MYO16: variants seen among roughly 807,000 people sequenced by gnomAD.
The protein encoded by MYO16 is unconventional myosin-XVI.
A neutral mutation model predicts 205.3 loss-of-function variants in MYO16; 94 were observed. That is an observed-to-expected ratio of 0.46 (90% CI 0.39 to 0.54). The LOEUF is 0.54. Among genes scored for constraint, MYO16 ranks in the 20% least tolerant of loss-of-function variants. The probability of loss-of-function intolerance (pLI) is 0.00; values close to 1 mark genes in which losing one functional copy is unlikely to be tolerated. For missense variants in MYO16, 2,315 were observed against 2,387.5 expected (o/e 0.97, Z 0.63); for synonymous variants, 988 against 954.0 (o/e 1.04, Z -0.66).
intron 24 of MYO16, among the ~76,000 whole-genome samples, chr13:109,049,634 A>G (rs1257617503): frequency 6.6e-6 from 1 of 151,880 alleles, no homozygotes; most frequent in African/African-American, 2.4e-5. Flanking sequence ...GTTTTATTAG[A>G]GGCATTTTCT....
At chr13:109,198,926 C>T (rs1880275019) in intron 34 of MYO16, among the ~76,000 whole-genome samples, 1 of 152,046 alleles carries the variant, frequency 6.6e-6, no homozygotes, top group African/African-American at 2.4e-5. Flanking sequence ...TTTTCAGCCA[C>T]ACTGACTGTG....
At chr13:109,083,834 C>T (rs1223219997) in intron 27 of MYO16, among the ~76,000 whole-genome samples, 1 of 152,140 alleles carries the variant, frequency 6.6e-6, no homozygotes, top group Non-Finnish European at 1.5e-5. Context: ...CAAATATTTG[C>T]AACAGTCTGT....
chr13:108,977,717 CT>C (rs1217851258), intron 20 of MYO16, among the ~76,000 whole-genome samples: 4 of 152,102 alleles, frequency 2.6e-5, no homozygotes, highest in South Asian at 2.1e-4. Context: ...TTCTTTACCC[CT>C]CTCTAGATTT....
chr13:109,086,362 C>T (rs1396436394), intron 27 of MYO16, among the ~76,000 whole-genome samples: 3 of 152,130 alleles, frequency 2.0e-5, no homozygotes, highest in African/African-American at 7.2e-5. Context: ...GGGTAGTTAT[C>T]AAAAGAGGTA....
chr13:108,948,960 G>A (rs575388079), intron 16 of MYO16, among the ~76,000 whole-genome samples: 12 of 152,194 alleles, frequency 7.9e-5, no homozygotes, highest in South Asian at 2.1e-4. Flanking sequence ...CATAGCATCA[G>A]CCTGCTCTTT....
At chr13:109,072,298 A>G (rs956402825) in intron 27 of MYO16, among the ~76,000 whole-genome samples, 37 of 152,270 alleles carry the variant, frequency 2.4e-4, no homozygotes, top group African/African-American at 8.9e-4. Context: ...TTGTCATTGG[A>G]ATAGAAAATA....
intron 15 of MYO16, among the ~76,000 whole-genome samples, chr13:108,900,152 T>C (rs150017035): frequency 1.3e-5 from 2 of 152,314 alleles, no homozygotes; most frequent in African/African-American, 4.8e-5. Context: ...TTTTTATTTT[T>C]CTGGATAGAG....
At chr13:109,113,907 C>T (rs1314529612) in intron 28 of MYO16, among the ~76,000 whole-genome samples, 9 of 152,080 alleles carry the variant, frequency 5.9e-5, no homozygotes, top group East Asian at 3.9e-4. Context: ...TATGAAACAT[C>T]GACATAAATG....
At chr13:108,740,756 G>A (rs1181692593) in intron 4 of MYO16, among the ~76,000 whole-genome samples, 4 of 152,154 alleles carry the variant, frequency 2.6e-5, no homozygotes, top group Non-Finnish European at 4.4e-5. Context: ...AGGCAGGCAG[G>A]CCTCCTTGAG....
chr13:108,894,782 A>C (rs1050869835), intron 14 of MYO16, among the ~76,000 whole-genome samples: 1 of 152,158 alleles, frequency 6.6e-6, no homozygotes, highest in Non-Finnish European at 1.5e-5. Flanking sequence ...ATCACCACAG[A>C]CATGGCTTTG....
At chr13:108,518,207 A>T in the MYO16 span, among the ~76,000 whole-genome samples, 1 of 152,230 alleles carries the variant, frequency 6.6e-6, no homozygotes, top group Non-Finnish European at 1.5e-5. Context: ...ACATAGAAAA[A>T]TGATTATGCA....
At chr13:108,694,591 G>T (rs1237578827) in intron 2 of MYO16, among the ~76,000 whole-genome samples, 1 of 151,546 alleles carries the variant, frequency 6.6e-6, no homozygotes, top group African/African-American at 2.4e-5. Flanking sequence ...AAGAGTTCTT[G>T]GTATACACAT....
chr13:108,528,129 G>C, the MYO16 span, among the ~76,000 whole-genome samples: 1 of 152,172 alleles, frequency 6.6e-6, no homozygotes, highest in African/African-American at 2.4e-5. Flanking sequence ...ATAGTGACAG[G>C]CATCTACAGA....
intron 4 of MYO16, among the ~76,000 whole-genome samples, chr13:108,773,569 C>G (rs1886034960): frequency 6.6e-6 from 1 of 152,114 alleles, no homozygotes; most frequent in Non-Finnish European, 1.5e-5. Flanking sequence ...TTTCAAATTT[C>G]TCTCTTCTTA....
the MYO16 span, among the ~76,000 whole-genome samples, chr13:108,575,536 G>A: frequency 6.6e-6 from 1 of 152,076 alleles, no homozygotes; most frequent in Middle Eastern, 3.2e-3. Flanking sequence ...AAAGCCCTTT[G>A]AACCTTTCTC....
chr13:108,633,822 G>A (rs1428967291), intron 1 of MYO16, among the ~76,000 whole-genome samples: 1 of 152,050 alleles, frequency 6.6e-6, no homozygotes, highest in African/African-American at 2.4e-5. Context: ...CACACTGTTC[G>A]CTCATTCAAG....
chr13:109,037,750 T>C (rs897812119), intron 23 of MYO16, among the ~76,000 whole-genome samples: 1 of 151,982 alleles, frequency 6.6e-6, no homozygotes, highest in Non-Finnish European at 1.5e-5. Flanking sequence ...CTATGTGTTG[T>C]AGATGAGAAG....
intron 4 of MYO16, among the ~76,000 whole-genome samples, chr13:108,753,242 C>A (rs142057098): frequency 6.6e-6 from 1 of 151,528 alleles, no homozygotes; most frequent in Non-Finnish European, 1.5e-5. Context: ...TGTTGGCGGG[C>A]GCCTGTAATC....
chr13:108,884,015 T>G (rs576849646), intron 13 of MYO16, among the ~76,000 whole-genome samples: 1 of 152,348 alleles, frequency 6.6e-6, no homozygotes, highest in African/African-American at 2.4e-5. Flanking sequence ...AAAATCTGCA[T>G]CAGAGACCTA....
Sources: gnomAD v4.1 joint callset for allele counts (sites outside exome capture counted in the v4.1 genomes callset) on GRCh38, gnomAD v4.1.1 for gene constraint, MANE v1.5 for transcripts, NCBI Gene and HGNC (gene_info 2026-07-23, HGNC 2026-07-21) for gene names.